DLC1: variants seen among roughly 807,000 people sequenced by gnomAD.
DLC1 encodes rho GTPase-activating protein 7.
A neutral mutation model predicts 140.3 loss-of-function variants in DLC1; 54 were observed. The observed-to-expected ratio is 0.38, with a 90% confidence interval of 0.31 to 0.48. DLC1 has a LOEUF of 0.48. Among genes scored for constraint, DLC1 ranks in the 20% least tolerant of loss-of-function variants. The pLI is 0.96. For missense variants in DLC1, 2,536 were observed against 1,907.0 expected, an observed-to-expected ratio of 1.33 and a Z score of -6.14; for synonymous variants, 986 against 728.1, an observed-to-expected ratio of 1.35 and a Z score of -5.70.
At chr8:13,092,057 CAACATGGTGAAACCCCGTCTCT>C (rs1818122535) in intron 13 of DLC1, among the ~76,000 whole-genome samples, 1 of 152,080 alleles carries the variant, frequency 6.6e-6, no homozygotes, top group African/African-American at 2.4e-5. Context: ...CCAGCCTGGC[CAACATGGTGAAACCCCGTCTCT>C]ACTAAAAATA....
chr8:13,324,244 G>A (rs1009484972), intron 4 of DLC1, among the ~76,000 whole-genome samples: 13 of 152,118 alleles, frequency 8.5e-5, no homozygotes, highest in African/African-American at 2.4e-4. Flanking sequence ...ATATTATTGA[G>A]GCATATGTAG....
chr8:13,439,065 G>A (rs1839244873), intron 2 of DLC1, among the ~76,000 whole-genome samples: 1 of 152,122 alleles, frequency 6.6e-6, no homozygotes, highest in Non-Finnish European at 1.5e-5. Flanking sequence ...AGTGGCTCAT[G>A]CCTGTAATCC....
chr8:13,342,473 G>C (rs542649839), intron 4 of DLC1: 2 of 152,228 alleles, frequency 1.3e-5, no homozygotes, highest in Non-Finnish European at 2.9e-5. Flanking sequence ...ATTAGTATTT[G>C]AATCAGTAGG....
intron 1 of DLC1, among the ~76,000 whole-genome samples, chr8:13,580,266 G>A (rs1805043327): frequency 6.6e-6 from 1 of 152,022 alleles, no homozygotes; most frequent in Admixed American, 6.5e-5. Context: ...GGGCCTACAG[G>A]CGACCGCCAC....
rs112575182 is a variant in DLC1, at chr8:13,321,263, G to A, written c.1315-15961C>T. 8.5e-3 allele frequency among the ~76,000 whole-genome samples: 1,300 copies of A among 152,218 alleles called. 14 individuals carry two copies. The highest frequency in any genetic ancestry group is 0.011 in the Non-Finnish European group (778 of 68,016). On this transcript the variant is annotated intron_variant, in intron 4 of 17. Coordinates refer to ENST00000276297, the MANE Select transcript of DLC1 (RefSeq NM_182643.3). ...TGATTCAAAAATGAAATACTGGCCC[G>A]GCGCAATGGCTCATGCCTGTAATCT...
intron 4 of DLC1, among the ~76,000 whole-genome samples, chr8:13,365,598 A>C (rs1835442600): frequency 6.6e-6 from 1 of 152,130 alleles, no homozygotes; most frequent in African/African-American, 2.4e-5. Context: ...TTGCTTAATG[A>C]AGCACTTACA....
chr8:13,407,528 G>A (rs1837620765), intron 2 of DLC1, among the ~76,000 whole-genome samples: 3 of 152,212 alleles, frequency 2.0e-5, no homozygotes, highest in African/African-American at 7.2e-5. Context: ...CACAGGCTCT[G>A]TTTTCCTAAT....
intron 1 of DLC1, among the ~76,000 whole-genome samples, chr8:13,524,406 G>T (rs1455621548): frequency 8.6e-5 from 13 of 151,954 alleles, no homozygotes; most frequent in Non-Finnish European, 1.3e-4. Context: ...CCAAAGTGCT[G>T]GTATTACAGG....
chr8:13,212,789 A>G (rs776150757), intron 5 of DLC1, among the ~76,000 whole-genome samples: 3 of 152,252 alleles, frequency 2.0e-5, no homozygotes, highest in Middle Eastern at 3.4e-3. Flanking sequence ...AGCATTTTCA[A>G]TATCACCATA....
intron 2 of DLC1, among the ~76,000 whole-genome samples, chr8:13,433,142 C>T (rs7842856): frequency 0.023 from 3,501 of 152,112 alleles, 60 homozygotes; most frequent in Middle Eastern, 0.041. Context: ...TTGAAGAGAA[C>T]AGGCATTCCT....
intron 5 of DLC1, among the ~76,000 whole-genome samples, chr8:13,144,273 C>T (rs979843093): frequency 6.6e-6 from 1 of 152,194 alleles, no homozygotes; most frequent in Non-Finnish European, 1.5e-5. Flanking sequence ...CTTCTCTGGC[C>T]TTCAGACTTG....
intron 2 of DLC1, among the ~76,000 whole-genome samples, chr8:13,460,514 G>T (rs949811418): frequency 6.6e-6 from 1 of 152,214 alleles, no homozygotes; most frequent in African/African-American, 2.4e-5. Context: ...ATCTCCTAGG[G>T]TAGGATCAAA....
intron 5 of DLC1, among the ~76,000 whole-genome samples, chr8:13,177,555 T>C (rs1463882655): frequency 5.3e-5 from 8 of 152,194 alleles, no homozygotes; most frequent in Non-Finnish European, 8.8e-5. Context: ...TACACTTGGG[T>C]TAAGTGGTTT....
rs1462461713 is a variant in DLC1 at position 13,137,376 on chromosome 8, A to G, written c.1349-21719T>C. Among the ~76,000 whole-genome samples, 7 of 152,316 alleles carry G rather than the reference A, an allele frequency of 4.6e-5. No individual in the cohort carries two copies. The East Asian group carries it at 1.4e-3, about 29-fold the overall frequency. On this transcript the variant is annotated intron_variant, in intron 5 of 17. Coordinates refer to ENST00000276297, the MANE Select transcript of DLC1 (RefSeq NM_182643.3). ...TGAGATGCTAAACTAAGAGGCAGGA[A>G]TTACCTGTTCAATGTAGCCTGTTTC...
chr8:13,321,624 AG>A (rs1833128212), intron 4 of DLC1, among the ~76,000 whole-genome samples: 1 of 151,052 alleles, frequency 6.6e-6, no homozygotes, highest in Non-Finnish European at 1.5e-5. Context: ...AATGTAATGA[AG>A]CCTTGTCCTC....
At chr8:13,313,037 C>A (rs901586555) in intron 4 of DLC1, among the ~76,000 whole-genome samples, 2 of 152,172 alleles carry the variant, frequency 1.3e-5, no homozygotes, top group African/African-American at 4.8e-5. Context: ...TCCATGAAGT[C>A]TGAATAGTAG....
intron 5 of DLC1, among the ~76,000 whole-genome samples, chr8:13,273,102 GT>G: frequency 6.6e-6 from 1 of 152,182 alleles, no homozygotes; most frequent in East Asian, 1.9e-4. Flanking sequence ...TGATCCATAG[GT>G]TTCACAGGAA....
At chr8:13,142,968 G>T (rs776913085) in intron 5 of DLC1, among the ~76,000 whole-genome samples, 1 of 150,478 alleles carries the variant, frequency 6.6e-6, no homozygotes, top group Non-Finnish European at 1.5e-5. Flanking sequence ...AGAATCACTT[G>T]AACACCAGAG....
chr8:13,115,338 A>G (rs1820456581), intron 6 of DLC1, among the ~76,000 whole-genome samples: 1 of 152,202 alleles, frequency 6.6e-6, no homozygotes, highest in Non-Finnish European at 1.5e-5. Flanking sequence ...CAAGAAAATG[A>G]TAGTCTTCAG....
Sources: allele counts gnomAD v4.1 joint callset (sites outside exome capture counted in the v4.1 genomes callset), GRCh38; gene constraint gnomAD v4.1.1; transcripts MANE v1.5; gene names NCBI Gene and HGNC (gene_info 2026-07-23, HGNC 2026-07-21).